The following ATRNL1 variants were observed in gnomAD, a reference collection of about 807,000 sequenced individuals.
ATRNL1 encodes the protein attractin-like protein 1.
Under a neutral mutation model 182.7 loss-of-function variants are expected in ATRNL1, and 95 were observed. The ratio of observed to expected loss-of-function variants is 0.52; its 90% CI spans 0.44 to 0.62. The LOEUF (loss-of-function observed/expected upper bound fraction) is 0.62. Ranked by LOEUF, ATRNL1 falls within the 20% of genes least tolerant of loss-of-function variation. The probability of loss-of-function intolerance (pLI) is 0.00; values close to 1 mark genes in which losing one functional copy is unlikely to be tolerated. For synonymous variants in ATRNL1, 576 were observed against 568.3 expected (o/e 1.01, Z -0.19); for missense variants, 1,471 against 1,679.5 (o/e 0.88, Z 2.17).
intron 9 of ATRNL1, among the ~76,000 whole-genome samples, chr10:115,227,660 T>A (rs1849754004): frequency 6.6e-6 from 1 of 152,138 alleles, no homozygotes; most frequent in East Asian, 1.9e-4. Context: ...AGACATGGAA[T>A]CAATCCAGGT....
intron 27 of ATRNL1, among the ~76,000 whole-genome samples, chr10:115,770,398 AT>A (rs1425846066): frequency 6.6e-6 from 1 of 152,150 alleles, no homozygotes; most frequent in Non-Finnish European, 1.5e-5. Context: ...GAATTATGTA[AT>A]TTTGTATACT....
At chr10:115,472,566 G>T (rs1291776871) in intron 24 of ATRNL1, among the ~76,000 whole-genome samples, 1 of 150,834 alleles carries the variant, frequency 6.6e-6, no homozygotes, top group East Asian at 2.0e-4. Flanking sequence ...CATTTCCTTG[G>T]TTAAACTTAT....
At chr10:115,104,269 T>C (rs1843904294) in intron 1 of ATRNL1, among the ~76,000 whole-genome samples, 5 of 152,210 alleles carry the variant, frequency 3.3e-5, no homozygotes, top group African/African-American at 1.2e-4. Context: ...ATTGTAGTTT[T>C]GATTTTCATT....
intron 25 of ATRNL1, among the ~76,000 whole-genome samples, chr10:115,540,652 T>G (rs1276587414): frequency 2.6e-5 from 4 of 151,514 alleles, no homozygotes; most frequent in African/African-American, 9.7e-5. Context: ...CCTAGCTACT[T>G]GGGAGGCTGA....
At chr10:115,395,400 C>A (rs1324687996) in intron 20 of ATRNL1, among the ~76,000 whole-genome samples, 1 of 151,778 alleles carries the variant, frequency 6.6e-6, no homozygotes, top group Non-Finnish European at 1.5e-5. Flanking sequence ...AAAATTAAAC[C>A]TTTTAAAGAA....
At chr10:115,203,571 G>A (rs1305571056) in intron 8 of ATRNL1, among the ~76,000 whole-genome samples, 1 of 148,554 alleles carries the variant, frequency 6.7e-6, no homozygotes. Flanking sequence ...AACTAGATTG[G>A]GCCACCTTTT....
At position 115,797,981 on chromosome 10, in the gene ATRNL1, G is replaced by A. The variant is rs529409216; in HGVS notation, c.3904-49896G>A. Among the ~76,000 whole-genome samples the A allele has an allele frequency of 8.5e-5, 13 of 152,168 alleles. No individual in the cohort carries two copies. The East Asian group carries it at 2.3e-3, about 27-fold the overall frequency. ...TGCCCAGGCTGCAGTGCAGTGGCACGATCTCCGCTCACTGCAAGCTCTGCC... is the reference window on the plus strand; with the variant it reads ...TGCCCAGGCTGCAGTGCAGTGGCACAATCTCCGCTCACTGCAAGCTCTGCC... On this transcript the variant is annotated intron_variant, in intron 27 of 28. Transcript: ENST00000355044.
rs2134456405 is a variant in ATRNL1, at chr10:115,444,305, G to A, written c.3323-17636G>A. Among the ~76,000 whole-genome samples the A allele has an allele frequency of 2.0e-5, 3 of 152,110 alleles. 1 individual carries two copies. Among genetic ancestry groups the A allele is most frequent in the East Asian group, 3.9e-4 (2 of 5,180 alleles). On this transcript the variant is annotated intron_variant, in intron 21 of 28. Coordinates refer to ENST00000355044, the MANE Select transcript of ATRNL1 (RefSeq NM_207303.4). ...GTTACAGTAATTAAGGCAGTGTAGAGTTGTTTTTCTTTTGTTTTTTGGTGC... is the reference window on the plus strand; with the variant it reads ...GTTACAGTAATTAAGGCAGTGTAGAATTGTTTTTCTTTTGTTTTTTGGTGC...
chr10:115,823,560 G>T (rs1170420843), intron 27 of ATRNL1, among the ~76,000 whole-genome samples: 3 of 152,174 alleles, frequency 2.0e-5, no homozygotes, highest in Non-Finnish European at 4.4e-5. Flanking sequence ...ACTTTAAGCT[G>T]ATAAGCAACT....
chr10:115,527,798 T>TTCCC (rs1397826548), intron 25 of ATRNL1, among the ~76,000 whole-genome samples: 2 of 82,622 alleles, frequency 2.4e-5, no homozygotes, highest in East Asian at 3.9e-4. Context: ...CCCTCCCTCC[T>TTCCC]TCCCTCCCTC....
intron 28 of ATRNL1, among the ~76,000 whole-genome samples, chr10:115,907,594 A>T (rs1952542360): frequency 6.6e-6 from 1 of 152,240 alleles, no homozygotes; most frequent in Non-Finnish European, 1.5e-5. Context: ...TTTCATACAC[A>T]TTTCAATACA....
intron 24 of ATRNL1, among the ~76,000 whole-genome samples, chr10:115,498,827 A>G (rs1554979189): frequency 2.0e-5 from 3 of 152,086 alleles, no homozygotes; most frequent in Admixed American, 6.6e-5. Context: ...GTAGTAGAAC[A>G]TGCTTTACTC....
intron 19 of ATRNL1, among the ~76,000 whole-genome samples, chr10:115,342,085 C>A (rs1855777313): frequency 6.6e-6 from 1 of 151,914 alleles, no homozygotes; most frequent in South Asian, 2.1e-4. Context: ...TTCTTCTCTT[C>A]CTTCTTTCTT....
At chr10:115,863,971 T>A (rs1164170924) in intron 28 of ATRNL1, among the ~76,000 whole-genome samples, 1 of 152,026 alleles carries the variant, frequency 6.6e-6, no homozygotes, top group Non-Finnish European at 1.5e-5. Flanking sequence ...ACAAAGTAAA[T>A]AAGTATAGTA....
At chr10:115,365,162 G>A (rs1278978741) in intron 19 of ATRNL1, among the ~76,000 whole-genome samples, 1 of 151,968 alleles carries the variant, frequency 6.6e-6, no homozygotes, top group Non-Finnish European at 1.5e-5. Flanking sequence ...GACTCTTTTT[G>A]GTTGGTAAAC....
At chr10:115,758,451 T>C (rs1948648874) in intron 27 of ATRNL1, among the ~76,000 whole-genome samples, 1 of 152,296 alleles carries the variant, frequency 6.6e-6, no homozygotes, top group Non-Finnish European at 1.5e-5. Flanking sequence ...GTATCACCAG[T>C]GGAGGCTGCA....
chr10:115,219,146 T>C (rs1352808502), intron 9 of ATRNL1, among the ~76,000 whole-genome samples: 1 of 148,974 alleles, frequency 6.7e-6, no homozygotes, highest in African/African-American at 2.5e-5. Flanking sequence ...GAGGCAGAAG[T>C]GCTTGAACCC....
chr10:115,541,259 A>G (rs1852341729), intron 25 of ATRNL1, among the ~76,000 whole-genome samples: 3 of 152,156 alleles, frequency 2.0e-5, no homozygotes, highest in Admixed American at 6.5e-5. Context: ...ATAGACTGAC[A>G]TACACTTCAC....
chr10:115,381,432 ATTTTT>A (rs375127246), intron 19 of ATRNL1, among the ~76,000 whole-genome samples: 1 of 68,550 alleles, frequency 1.5e-5, no homozygotes, highest in African/African-American at 6.0e-5. Flanking sequence ...ATACCTGGCA[ATTTTT>A]TTTTTTTTTT....
Sources: allele counts gnomAD v4.1 joint callset (sites outside exome capture counted in the v4.1 genomes callset), GRCh38; gene constraint gnomAD v4.1.1; transcripts MANE v1.5; gene names NCBI Gene and HGNC (gene_info 2026-07-23, HGNC 2026-07-21).